BCAN: variants seen among roughly 807,000 people sequenced by gnomAD.
BCAN encodes brevican, also known as brevican core protein.
Under a neutral mutation model 92.4 loss-of-function variants are expected in BCAN, and 51 were observed. That is an observed-to-expected ratio of 0.55 (90% confidence interval 0.44 to 0.70). The LOEUF is 0.70. Among genes scored for constraint, BCAN ranks in the 30% least tolerant of loss-of-function variants. The pLI, the probability that BCAN is intolerant of heterozygous loss-of-function variation, is 0.00. For synonymous variants in BCAN, 501 were observed against 505.2 expected, an observed-to-expected ratio of 0.99 and a Z score of 0.11; for missense variants, 1,140 against 1,212.1, an observed-to-expected ratio of 0.94 and a Z score of 0.88.
At chr1:156,657,611 C>T (rs905283800) in intron 10 of BCAN, 64 bp from the exon 11 acceptor site, 5 of 1,420,050 alleles carry the variant, frequency 3.5e-6, no homozygotes, top group African/African-American at 1.4e-5. Flanking sequence ...GCAGACCGCC[C>T]GGGAGCGGGG....
At chr1:156,653,621 C>T (rs1007991551) in intron 8 of BCAN, 13 of 889,060 alleles carry the variant, frequency 1.5e-5, no homozygotes, top group East Asian at 2.4e-4. Flanking sequence ...TTTTCATTTT[C>T]GGCTTCTCCC....
Position 156,653,970 on chromosome 1 carries a change from C to A in BCAN, c.1942+1078C>A, listed in dbSNP as rs138000088. 6.7e-3 allele frequency among the ~76,000 whole-genome samples: 1,016 copies of A among 152,266 alleles called. 9 individuals are homozygous for A. The highest frequency in any genetic ancestry group is 0.014 in the South Asian group (68 of 4,804). On this transcript the variant is annotated intron_variant, in intron 8 of 13. Transcript: ENST00000329117. ...ATTCAGTTGCCCTCACCCCCATCCC[C>A]TAGCCCTGCATCTCAGCAGGGGGTG... is the stretch of plus-strand genomic sequence containing the variant.
chr1:156,650,265 G>T (rs535994767), intron 6 of BCAN, among the ~76,000 whole-genome samples: 2 of 152,200 alleles, frequency 1.3e-5, no homozygotes, highest in Admixed American at 6.5e-5. Flanking sequence ...CAGGGGAGGG[G>T]GAATATGACT....
intron 6 of BCAN, chr1:156,649,801 C>T (rs961801493): frequency 2.0e-6 from 1 of 502,466 alleles, no homozygotes; most frequent in Non-Finnish European, 4.0e-6. Context: ...ATAAGAGAGG[C>T]ATTGCCATGC....
intron 2 of BCAN, chr1:156,646,502 G>T (rs1678967595): frequency 1.9e-6 from 1 of 522,950 alleles, no homozygotes; most frequent in East Asian, 3.1e-5. Context: ...GAGGACCCTG[G>T]GGTGTGGTCT....
At chr1:156,650,438 T>C (rs1331378031) in intron 6 of BCAN, among the ~76,000 whole-genome samples, 1 of 152,158 alleles carries the variant, frequency 6.6e-6, no homozygotes, top group Non-Finnish European at 1.5e-5. Context: ...CAATTCCACC[T>C]TCACTTCATT....
chr1:156,656,573 T>G (rs971104887), intron 9 of BCAN, among the ~76,000 whole-genome samples, 184 bp downstream of exon 9: 3 of 152,122 alleles, frequency 2.0e-5, no homozygotes, highest in Non-Finnish European at 1.5e-5. Context: ...CCACAATGCC[T>G]CTCATAGGGG....
At chr1:156,653,611 T>G in intron 8 of BCAN, 1 of 927,850 alleles carries the variant, frequency 1.1e-6, no homozygotes, top group Non-Finnish European at 1.3e-6. Context: ...CTCTCTTCCT[T>G]TTTCATTTTC....
chr1:156,647,918 A>T lies in BCAN; in HGVS notation c.642-65A>T. ...CTGTGGTGGCAGTGGGGTTCAATAG[A>T]ATCAATATGGGCTGGCTCCCTGGTG... On this transcript the variant is annotated intron_variant, in intron 4 of 13. Transcript: ENST00000329117. This position sits in a 1 kb window ranked among gnomAD's most constrained non-coding sequence, Gnocchi z 4.8. 6.2e-7 allele frequency: 1 copy of T among 1,605,024 alleles called. No homozygotes were observed. The highest frequency in any genetic ancestry group is 8.5e-7 in the Non-Finnish European group (1 of 1,172,218).
At position 156,656,874 on chromosome 1, in the gene BCAN, C is replaced by T; in HGVS notation, c.2051-64C>T. 5.7e-6 allele frequency: 9 copies of T among 1,580,048 alleles called. No individual in the cohort carries two copies. In the South Asian group the frequency reaches 1.0e-4, roughly 18 times the overall value. On this transcript the variant is annotated intron_variant, in intron 9 of 13. Coordinates refer to ENST00000329117, the MANE Select transcript of BCAN (RefSeq NM_021948.5). ...CTGCGGTAGTGGAAGGAGACCAGCC[C>T]CTTCCAGGGGACCTGGCCCTCTGGG... is the stretch of plus-strand genomic sequence containing the variant.
chr1:156,646,650 ACCC>A, intron 2 of BCAN, 148 bp from the exon 3 acceptor site: 1 of 1,185,802 alleles, frequency 8.4e-7, no homozygotes, highest in Non-Finnish European at 1.1e-6. Context: ...GGGCTGCAGG[ACCC>A]TGGCCCCTGG....
chr1:156,654,397 G>A (rs1679270483), intron 8 of BCAN, among the ~76,000 whole-genome samples: 1 of 152,198 alleles, frequency 6.6e-6, no homozygotes, highest in South Asian at 2.1e-4. Flanking sequence ...GGGTTTGGTG[G>A]GAAGAGGAGC....
chr1:156,654,906 T>G (rs1381470882), intron 8 of BCAN, among the ~76,000 whole-genome samples: 1 of 152,180 alleles, frequency 6.6e-6, no homozygotes, highest in Non-Finnish European at 1.5e-5. Context: ...AAAAGCTGAT[T>G]CATTTCACCC....
At chr1:156,653,579 C>G (rs1679247728) in intron 8 of BCAN, 2 of 969,096 alleles carry the variant, frequency 2.1e-6, no homozygotes, top group Non-Finnish European at 2.5e-6. Flanking sequence ...ATGTCTCTCC[C>G]TGTCTCTGTG....
Position 156,658,142 on chromosome 1 carries a change from A to G in BCAN, c.2308A>G (p.Asn770Asp). Reference protein sequence around the residue: ...DGVPLLYENWNPGQPDSYFLS... With the variant: ...DGVPLLYENWDPGQPDSYFLS... Reference sequence around the variant, plus strand: ...GTTCCCCCAGCTCTATGAGAACTGGAACCCTGGGCAGCCTGACAGCTACTT... The same window carrying G: ...GTTCCCCCAGCTCTATGAGAACTGGGACCCTGGGCAGCCTGACAGCTACTT... Residue 770 changes from asparagine (N) to aspartate (D), a missense_variant, in exon 12 of 14, where the codon AAC becomes GAC. Coordinates refer to ENST00000329117, the MANE Select transcript of BCAN (RefSeq NM_021948.5). The surrounding 1 kb of genome is among the most constrained non-coding windows in gnomAD (Gnocchi z 4.4). The G allele has an allele frequency of 1.2e-6, 2 of 1,613,994 alleles. No homozygotes were observed. The highest frequency in any genetic ancestry group is 3.3e-5 in the Admixed American group (2 of 60,014).
rs1256878214 is a variant in BCAN at position 156,651,446 on chromosome 1, C to T, written c.1064-10C>T. The stretch of plus-strand genomic sequence containing the variant: ...TTCAGGCTCGCATCAATACTTTCCT[C>T]CTGCCACAGACTCGGCCCAGCCTTC... On this transcript the variant is annotated splice_polypyrimidine_tract_variant and intron_variant, in intron 6 of 13. Transcript: ENST00000329117. The T allele has an allele frequency of 5.0e-6, 8 of 1,610,088 alleles. No homozygotes were observed. The highest frequency in any genetic ancestry group is 6.8e-6 in the Non-Finnish European group (8 of 1,177,526).
At chr1:156,643,633 C>CAGAGAGAGAGAGAGAGAGAGAG (rs1179850412) in intron 1 of BCAN, 139 of 90,846 alleles carry the variant, frequency 1.5e-3, no homozygotes, top group African/African-American at 2.6e-3. Flanking sequence ...CACACACACA[C>CAGAGAGAGAGAGAGAGAGAGAG]ACAGAGAGAG....
intron 8 of BCAN, chr1:156,653,387 G>GCAACTACTTC: frequency 7.9e-6 from 8 of 1,009,808 alleles, no homozygotes; most frequent in Non-Finnish European, 9.5e-6. Context: ...AGAGCCTTAA[G>GCAACTACTTC]CAACTACTTC....
At chr1:156,650,520 G>C (rs890652621) in intron 6 of BCAN, among the ~76,000 whole-genome samples, 3 of 152,180 alleles carry the variant, frequency 2.0e-5, no homozygotes, top group Non-Finnish European at 4.4e-5. Flanking sequence ...TTTGAAAGGA[G>C]TAGGTCCCAG....
Sources: gnomAD v4.1 joint callset for allele counts (sites outside exome capture counted in the v4.1 genomes callset) on GRCh38, gnomAD v4.1.1 for gene constraint, Gnocchi (gnomAD v3.1) non-coding constraint, MANE v1.5 for transcripts, NCBI Gene and HGNC (gene_info 2026-07-23, HGNC 2026-07-21) for gene names.